CSMD1: variants seen among roughly 807,000 people sequenced by gnomAD.
The protein encoded by CSMD1 is CUB and Sushi multiple domains 1.
In CSMD1, 213 loss-of-function variants were observed where a neutral mutation model predicts 417.5. The ratio of observed to expected loss-of-function variants is 0.51; its 90% CI spans 0.46 to 0.57. The LOEUF (loss-of-function observed/expected upper bound fraction) is 0.57, where lower values mean the gene tolerates loss of function less well. CSMD1 is among the 20% of genes least tolerant of loss of function. The pLI, the probability that CSMD1 is intolerant of heterozygous loss-of-function variation, is 0.00. For missense variants in CSMD1, 6,923 were observed against 4,529.7 expected (o/e 1.53, Z -15.17); for synonymous variants, 2,862 against 1,736.8 (o/e 1.65, Z -16.11).
At chr8:3,894,571 A>G (rs1426107606) in intron 5 of CSMD1, among the ~76,000 whole-genome samples, 1 of 152,212 alleles carries the variant, frequency 6.6e-6, no homozygotes, top group Non-Finnish European at 1.5e-5. Context: ...AGATTTCTAC[A>G]TCCTATTGAT....
At chr8:3,351,822 A>G (rs949475624) in intron 21 of CSMD1, among the ~76,000 whole-genome samples, 2 of 150,680 alleles carry the variant, frequency 1.3e-5, no homozygotes, top group Non-Finnish European at 1.5e-5. Flanking sequence ...TCACTATTTA[A>G]TTTATATTTT....
At chr8:4,753,104 G>T (rs1428630198) in intron 1 of CSMD1, among the ~76,000 whole-genome samples, 1 of 152,012 alleles carries the variant, frequency 6.6e-6, no homozygotes, top group African/African-American at 2.4e-5. Flanking sequence ...GCTATTTTTG[G>T]AAACATTTTA....
intron 3 of CSMD1, among the ~76,000 whole-genome samples, chr8:4,343,011 T>C (rs1410677559): frequency 6.6e-6 from 1 of 152,116 alleles, no homozygotes; most frequent in African/African-American, 2.4e-5. Context: ...GCAGTGCACC[T>C]GACTTGTGCC....
chr8:4,635,694 C>A (rs186536945), intron 2 of CSMD1, among the ~76,000 whole-genome samples: 1 of 151,888 alleles, frequency 6.6e-6, no homozygotes, highest in Non-Finnish European at 1.5e-5. Context: ...ACTACTATAC[C>A]CTAGTAGCGT....
chr8:4,326,109 C>G (rs1450618807), intron 3 of CSMD1, among the ~76,000 whole-genome samples: 3 of 152,156 alleles, frequency 2.0e-5, no homozygotes. Flanking sequence ...AATCAGAGCT[C>G]AGGGCCCTAC....
intron 3 of CSMD1, among the ~76,000 whole-genome samples, chr8:4,084,094 G>C (rs1044452867): frequency 2.0e-5 from 3 of 152,114 alleles, no homozygotes; most frequent in Non-Finnish European, 4.4e-5. Flanking sequence ...AGTAATATTT[G>C]TCTTCGGAAA....
rs1805159273 is a variant in CSMD1, at chr8:3,309,507, A to G, written c.3632-1004T>C. On this transcript the variant is annotated intron_variant, in intron 23 of 69. Transcript: ENST00000635120. ...ACAGAAATGAAGATTTAGCTTCTGC[A>G]GTACTGAGAGCTGTATATTCCTTTT... Among the ~76,000 whole-genome samples the G allele has an allele frequency of 2.0e-5, 3 of 152,292 alleles. No individual in the cohort carries two copies. The South Asian group carries it at 6.2e-4, about 32-fold the overall frequency.
At chr8:3,579,661 C>A (rs1326499216) in intron 9 of CSMD1, among the ~76,000 whole-genome samples, 4 of 152,140 alleles carry the variant, frequency 2.6e-5, no homozygotes, top group African/African-American at 9.7e-5. Context: ...TGGTTCCAGG[C>A]CTGGCTTAGG....
At chr8:3,611,985 A>C (rs768645324) in intron 8 of CSMD1, among the ~76,000 whole-genome samples, 1 of 151,996 alleles carries the variant, frequency 6.6e-6, no homozygotes, top group Non-Finnish European at 1.5e-5. Flanking sequence ...TAATATACTC[A>C]GTTATTTGAA....
intron 1 of CSMD1, among the ~76,000 whole-genome samples, chr8:4,757,005 T>C (rs1811707554): frequency 6.6e-6 from 1 of 152,150 alleles, no homozygotes; most frequent in Admixed American, 6.5e-5. Context: ...TATATTTAGA[T>C]TTTATTAGTA....
chr8:3,917,142 T>TAAGAA (rs1486935742), intron 5 of CSMD1, among the ~76,000 whole-genome samples: 1 of 152,206 alleles, frequency 6.6e-6, no homozygotes, highest in African/African-American at 2.4e-5. Flanking sequence ...GAATGAGTGC[T>TAAGAA]TACCTGCTGC....
At chr8:4,915,383 C>T (rs1204403641) in intron 1 of CSMD1, among the ~76,000 whole-genome samples, 1 of 152,186 alleles carries the variant, frequency 6.6e-6, no homozygotes, top group African/African-American at 2.4e-5. Context: ...ATCGTAGATT[C>T]TGATCCGTAT....
At position 3,298,359 on chromosome 8, in the gene CSMD1, T is replaced by A. The variant is rs903164806; in HGVS notation, c.3950+9336A>T. Among the ~76,000 whole-genome samples, 5 of 152,180 alleles carry A rather than the reference T, an allele frequency of 3.3e-5. No individual in the cohort carries two copies. The South Asian group carries it at 8.3e-4, about 25-fold the overall frequency. On this transcript the variant is annotated intron_variant, in intron 25 of 69. Coordinates refer to ENST00000635120, the MANE Select transcript of CSMD1 (RefSeq NM_033225.6). ...TCCAAATGTCCATCAGCACCCAGAA[T>A]GGATAAATAAATTATATCAGGAAAT...
At chr8:3,086,345 T>C (rs989311872) in intron 49 of CSMD1, among the ~76,000 whole-genome samples, 1 of 152,190 alleles carries the variant, frequency 6.6e-6, no homozygotes, top group Non-Finnish European at 1.5e-5. Flanking sequence ...TCTGATCAAC[T>C]TCTTACAGTC....
intron 3 of CSMD1, among the ~76,000 whole-genome samples, chr8:4,053,732 G>A (rs1390923359): frequency 6.6e-6 from 1 of 152,040 alleles, no homozygotes; most frequent in Admixed American, 6.6e-5. Context: ...TCCAGAACTG[G>A]CTTCTTGAAT....
At chr8:4,192,955 C>G (rs530549939) in intron 3 of CSMD1, among the ~76,000 whole-genome samples, 1 of 152,174 alleles carries the variant, frequency 6.6e-6, no homozygotes, top group African/African-American at 2.4e-5. Flanking sequence ...GCTACCCTTC[C>G]TATTTTCATA....
At chr8:3,162,408 T>G (rs1246239753) in intron 37 of CSMD1, 131 bp from the exon 38 acceptor site, 6 of 650,068 alleles carry the variant, frequency 9.2e-6, no homozygotes, top group Admixed American at 2.4e-5. Context: ...TTTCTCTTGT[T>G]ATTCTACCAA....
chr8:3,170,593 A>G (rs1820527285), intron 37 of CSMD1, among the ~76,000 whole-genome samples: 1 of 152,206 alleles, frequency 6.6e-6, no homozygotes. Flanking sequence ...TTTTGTTTAC[A>G]GCTCTCTCAT....
intron 1 of CSMD1, among the ~76,000 whole-genome samples, chr8:4,880,358 C>T (rs1803311042): frequency 6.6e-6 from 1 of 152,064 alleles, no homozygotes; most frequent in Non-Finnish European, 1.5e-5. Flanking sequence ...ATTTACTTGA[C>T]GTCTGAACAC....
Sources: gnomAD v4.1 joint callset for allele counts (sites outside exome capture counted in the v4.1 genomes callset) on GRCh38, gnomAD v4.1.1 for gene constraint, MANE v1.5 for transcripts, NCBI Gene and HGNC (gene_info 2026-07-23, HGNC 2026-07-21) for gene names.